MAD1L1: variants seen among roughly 807,000 people sequenced by gnomAD.
MAD1L1 encodes mitotic arrest deficient 1 like 1.
A neutral mutation model predicts 96.9 loss-of-function variants in MAD1L1; 95 were observed. The observed-to-expected ratio is 0.98, with a 90% CI of 0.83 to 1.16. The LOEUF (loss-of-function observed/expected upper bound fraction) is 1.16. Among genes scored for constraint, MAD1L1 ranks in the 50% most tolerant of loss-of-function variants. MAD1L1 has a pLI of 0.00. For synonymous variants in MAD1L1, 473 were observed against 396.6 expected (o/e 1.19, Z -2.29); for missense variants, 1,007 against 954.4 (o/e 1.06, Z -0.73).
At chr7:1,918,102 C>T (rs980089323) in intron 17 of MAD1L1, among the ~76,000 whole-genome samples, 1 of 152,200 alleles carries the variant, frequency 6.6e-6, no homozygotes, top group Non-Finnish European at 1.5e-5. Flanking sequence ...CAGCGCCCGG[C>T]TCAGCCTGCC....
chr7:2,084,533 G>C lies in MAD1L1; in HGVS notation c.1074-15195C>G, dbSNP rs559111890. Among the ~76,000 whole-genome samples, 13 of 152,376 alleles carry C rather than the reference G, an allele frequency of 8.5e-5. No individual in the cohort carries two copies. In the East Asian group the frequency reaches 2.5e-3, roughly 29 times the overall value. On this transcript the variant is annotated intron_variant, in intron 11 of 18. Coordinates refer to ENST00000265854, the MANE Select transcript of MAD1L1 (RefSeq NM_001013836.2). ...CAGGCTCTGGCAGGCCTGACTGCTG[G>C]AGAGCAGATTAGAGGCAGGAAACCC...
At chr7:2,048,028 C>T (rs936227517) in intron 12 of MAD1L1, among the ~76,000 whole-genome samples, 7 of 152,218 alleles carry the variant, frequency 4.6e-5, no homozygotes, top group East Asian at 1.9e-4. Context: ...CAAGTACACA[C>T]GTATGGACAC....
chr7:1,904,189 A>G (rs1787466147), intron 17 of MAD1L1, among the ~76,000 whole-genome samples: 1 of 148,936 alleles, frequency 6.7e-6, no homozygotes, highest in African/African-American at 2.6e-5. Context: ...TGATTAATGA[A>G]GCACTGTTCC....
intron 10 of MAD1L1, among the ~76,000 whole-genome samples, chr7:2,188,540 G>A (rs942568570): frequency 6.6e-6 from 1 of 152,136 alleles, no homozygotes; most frequent in African/African-American, 2.4e-5. Flanking sequence ...AAACACTTTC[G>A]TATGCTCAAA....
chr7:1,915,992 G>T (rs1202207680), intron 17 of MAD1L1, among the ~76,000 whole-genome samples: 1 of 152,214 alleles, frequency 6.6e-6, no homozygotes, highest in Non-Finnish European at 1.5e-5. Context: ...GTCGAAAATG[G>T]CAGGGATTTA....
chr7:1,941,645 C>G (rs1056305781), intron 16 of MAD1L1, among the ~76,000 whole-genome samples: 1 of 152,248 alleles, frequency 6.6e-6, no homozygotes, highest in Non-Finnish European at 1.5e-5. Context: ...CCAGGTCCTG[C>G]TCTCCCGGAG....
intron 12 of MAD1L1, among the ~76,000 whole-genome samples, chr7:2,040,187 A>G (rs997434479): frequency 1.2e-4 from 19 of 152,216 alleles, no homozygotes; most frequent in African/African-American, 4.6e-4. Flanking sequence ...TGAAAAGACA[A>G]AAGCTACCAA....
At position 2,217,293 on chromosome 7, in the gene MAD1L1, A is replaced by G. The variant is rs111374702; in HGVS notation, c.678+669T>C. On this transcript the variant is annotated intron_variant, in intron 7 of 18. Coordinates refer to ENST00000265854, the MANE Select transcript of MAD1L1 (RefSeq NM_001013836.2). Reference sequence around the variant, plus strand: ...CGACCAAACCAGACGGTCATTCAACAAACACTAACAGAGTCCATCGCCCTG... The same window carrying G: ...CGACCAAACCAGACGGTCATTCAACGAACACTAACAGAGTCCATCGCCCTG... Among the ~76,000 whole-genome samples, 285 of 152,330 alleles carry G rather than the reference A, an allele frequency of 1.9e-3. 2 individuals carry two copies. The highest frequency in any genetic ancestry group is 6.5e-3 in the African/African-American group (272 of 41,570).
intron 10 of MAD1L1, among the ~76,000 whole-genome samples, chr7:2,205,084 C>CTTTTTTTTTTG: frequency 9.6e-6 from 1 of 103,862 alleles, no homozygotes; most frequent in Non-Finnish European, 1.8e-5. Flanking sequence ...AGGATCTTTT[C>CTTTTTTTTTTG]TTTTTTTTTT....
At chr7:1,826,565 C>T (rs1377966741) in intron 18 of MAD1L1, among the ~76,000 whole-genome samples, 1 of 152,226 alleles carries the variant, frequency 6.6e-6, no homozygotes, top group South Asian at 2.1e-4. Context: ...CAGCTCCCAC[C>T]CCTCTCTGCC....
intron 12 of MAD1L1, among the ~76,000 whole-genome samples, chr7:2,033,301 G>T (rs778205774): frequency 6.6e-6 from 1 of 152,122 alleles, no homozygotes; most frequent in African/African-American, 2.4e-5. Flanking sequence ...CAGATGACCC[G>T]GTCACCCCTG....
At chr7:1,953,721 C>A (rs561247140) in intron 16 of MAD1L1, among the ~76,000 whole-genome samples, 19 of 152,344 alleles carry the variant, frequency 1.2e-4, no homozygotes, top group African/African-American at 4.6e-4. Context: ...ACCAGGCGCT[C>A]GCTGCAAACT....
rs144151761 is a variant in MAD1L1, at chr7:1,984,846, T to C, written c.1417-4305A>G. ...TTGTTATGCTTTCGATTTTGTAGCT[T>C]TTACATCTATCTCATTCTGTGGCCT... On this transcript the variant is annotated intron_variant, in intron 14 of 18. Coordinates refer to ENST00000265854, the MANE Select transcript of MAD1L1 (RefSeq NM_001013836.2). Among the ~76,000 whole-genome samples the C allele has an allele frequency of 1.6e-3, 249 of 152,346 alleles. 4 individuals carry two copies. In the East Asian group the frequency reaches 0.027, roughly 17 times the overall value.
intron 18 of MAD1L1, chr7:1,874,384 G>A: frequency 5.2e-6 from 2 of 381,860 alleles, no homozygotes; most frequent in Non-Finnish European, 1.0e-5. Flanking sequence ...CGTTGCAGCA[G>A]CACCGGGACG....
At chr7:2,141,338 T>C (rs1317657464) in intron 11 of MAD1L1, among the ~76,000 whole-genome samples, 1 of 152,234 alleles carries the variant, frequency 6.6e-6, no homozygotes, top group Non-Finnish European at 1.5e-5. Flanking sequence ...GGCTTTCCCC[T>C]GGAGCCAGGA....
intron 12 of MAD1L1, among the ~76,000 whole-genome samples, chr7:2,058,560 A>G (rs1195540943): frequency 6.1e-4 from 19 of 31,318 alleles, no homozygotes; most frequent in East Asian, 2.2e-3. Context: ...CAGAGGAGAG[A>G]AGCAGGGCTG....
chr7:1,914,411 G>A (rs142879824), intron 17 of MAD1L1, among the ~76,000 whole-genome samples: 8 of 152,220 alleles, frequency 5.3e-5, no homozygotes, highest in African/African-American at 1.7e-4. Flanking sequence ...CAGGAAAGTC[G>A]GCTAGAGATC....
intron 2 of MAD1L1, 190 bp from the exon 3 acceptor site, chr7:2,230,333 A>G (rs560012608): frequency 3.9e-6 from 2 of 517,784 alleles, no homozygotes; most frequent in South Asian, 4.7e-5. Context: ...CAAAAAATGG[A>G]AGCAAGGAAG....
chr7:1,922,226 C>G (rs1026598433), intron 17 of MAD1L1, among the ~76,000 whole-genome samples: 2 of 152,248 alleles, frequency 1.3e-5, no homozygotes, highest in Non-Finnish European at 2.9e-5. Flanking sequence ...GCAGCTGGAC[C>G]TGGCCGCGCC....
Sources: gnomAD v4.1 joint callset for allele counts (sites outside exome capture counted in the v4.1 genomes callset) on GRCh38, gnomAD v4.1.1 for gene constraint, MANE v1.5 for transcripts, NCBI Gene and HGNC (gene_info 2026-07-23, HGNC 2026-07-21) for gene names.